Variants in TBK1 observed in about 807,000 individuals in gnomAD.
TBK1 encodes TANK binding kinase 1, also known as serine/threonine-protein kinase TBK1.
TBK1 carries 37 observed loss-of-function variants against 99.9 expected under a neutral mutation model. The observed-to-expected ratio is 0.37, with a 90% confidence interval of 0.28 to 0.49. TBK1 has a LOEUF of 0.49. TBK1 is among the 20% of genes least tolerant of loss of function. The pLI is 0.98. For synonymous variants in TBK1, 258 were observed against 279.8 expected, an observed-to-expected ratio of 0.92 and a Z score of 0.78; for missense variants, 644 against 872.5, an observed-to-expected ratio of 0.74 and a Z score of 3.30.
At chr12:64,474,464 G>A (rs1290408972) in intron 6 of TBK1, 74 bp downstream of exon 6, 2 of 1,411,714 alleles carry the variant, frequency 1.4e-6, no homozygotes, top group Non-Finnish European at 2.0e-6. Flanking sequence ...CTTATTGTTA[G>A]TGGTTTATGC....
intron 15 of TBK1, 183 bp downstream of exon 15, chr12:64,495,958 A>C: frequency 1.8e-6 from 1 of 541,692 alleles, no homozygotes; most frequent in Non-Finnish European, 3.2e-6. Context: ...CCTTAAAATC[A>C]ACCTTTTGAA....
chr12:64,489,492 C>A (rs187091620), intron 12 of TBK1, among the ~76,000 whole-genome samples: 12 of 152,056 alleles, frequency 7.9e-5, no homozygotes, highest in African/African-American at 2.2e-4. Context: ...TCTGTTTTAT[C>A]CATCCCTTAA....
At chr12:64,476,220 C>T (rs370604811) in intron 6 of TBK1, among the ~76,000 whole-genome samples, 28 of 132,926 alleles carry the variant, frequency 2.1e-4, no homozygotes, top group East Asian at 1.4e-3. Context: ...TGCAGTGGTG[C>T]GATCTCAGCT....
At chr12:64,464,194 A>T (rs2040579143) in intron 3 of TBK1, 140 bp from the exon 4 acceptor site, 1 of 587,930 alleles carries the variant, frequency 1.7e-6, no homozygotes, top group South Asian at 2.2e-5. Context: ...TGTATGTTCA[A>T]CAGATACTGA....
At chr12:64,477,579 A>C (rs1363518074) in intron 6 of TBK1, among the ~76,000 whole-genome samples, 1 of 152,216 alleles carries the variant, frequency 6.6e-6, no homozygotes, top group East Asian at 1.9e-4. Context: ...TTCTAGGTTT[A>C]GAATCATACT....
intron 20 of TBK1, 23 bp from the exon 21 acceptor site, chr12:64,501,307 T>G (rs2040985880): frequency 6.2e-7 from 1 of 1,613,330 alleles, no homozygotes; most frequent in African/African-American, 1.3e-5. Flanking sequence ...GATTACCTTT[T>G]TTTCTTTGTG....
intron 11 of TBK1, among the ~76,000 whole-genome samples, chr12:64,486,503 C>T (rs908314830): frequency 1.3e-5 from 2 of 151,642 alleles, no homozygotes; most frequent in African/African-American, 4.8e-5. Context: ...GGCACAATCA[C>T]AGATCACTGC....
intron 18 of TBK1, 72 bp downstream of exon 18, chr12:64,497,331 A>AT: frequency 9.0e-7 from 1 of 1,114,642 alleles, no homozygotes; most frequent in Non-Finnish European, 1.3e-6. Context: ...CAAGGGAGAA[A>AT]TGGGATAGAA....
chr12:64,469,047 C>T (rs924961916), intron 5 of TBK1, among the ~76,000 whole-genome samples: 12 of 151,964 alleles, frequency 7.9e-5, no homozygotes, highest in African/African-American at 2.9e-4. Context: ...TGTTGAGGGC[C>T]CAGGATGCCT....
chr12:64,454,245 G>C (rs940807607), intron 1 of TBK1, among the ~76,000 whole-genome samples: 5 of 152,024 alleles, frequency 3.3e-5, no homozygotes, highest in African/African-American at 4.8e-5. Context: ...TGTTGTTTTT[G>C]TTTGTTTTTG....
chr12:64,475,229 T>C (rs1592363133), intron 6 of TBK1, among the ~76,000 whole-genome samples: 1 of 152,238 alleles, frequency 6.6e-6, no homozygotes, highest in South Asian at 2.1e-4. Flanking sequence ...ATTTTACTAG[T>C]ATAATGTATA....
intron 8 of TBK1, among the ~76,000 whole-genome samples, chr12:64,482,630 T>C (rs2040779053): frequency 6.6e-6 from 1 of 152,212 alleles, no homozygotes. Context: ...AATATCATAT[T>C]TTTACTGTAC....
chr12:64,469,787 C>T, intron 5 of TBK1, among the ~76,000 whole-genome samples: 1 of 143,314 alleles, frequency 7.0e-6, no homozygotes, highest in African/African-American at 2.6e-5. Context: ...TTCTCTCACC[C>T]AGTACTTTTT....
intron 1 of TBK1, 91 bp downstream of exon 1, chr12:64,452,278 C>A (rs1035302721): frequency 6.6e-6 from 1 of 152,212 alleles, no homozygotes; most frequent in Non-Finnish European, 1.5e-5. Context: ...GCTCCCGCCC[C>A]CTGTGGGAGG....
chr12:64,482,838 A>G (rs780936075), intron 8 of TBK1, among the ~76,000 whole-genome samples: 6 of 152,202 alleles, frequency 3.9e-5, no homozygotes, highest in Non-Finnish European at 7.3e-5. Flanking sequence ...TGTTCACACA[A>G]TGATGCAGTT....
chr12:64,461,004 C>T (rs2136057402), intron 3 of TBK1, among the ~76,000 whole-genome samples: 1 of 151,412 alleles, frequency 6.6e-6, no homozygotes, highest in East Asian at 1.9e-4. Context: ...TCACCTGAGC[C>T]TGAGAGGTCA....
Position 64,488,220 on chromosome 12 carries a change from A to G in TBK1, c.1341-267A>G, listed in dbSNP as rs534666724. 6.6e-5 allele frequency among the ~76,000 whole-genome samples: 10 copies of G among 152,346 alleles called. No individual in the cohort carries two copies. The South Asian group carries it at 1.9e-3, about 28-fold the overall frequency. ...CTACAAACTATTTGTGTAATTGTAG[A>G]TTAGTTTTTACTCCTTAATGTAATT... is the stretch of plus-strand genomic sequence containing the variant. On this transcript the variant is annotated intron_variant, in intron 11 of 20. Coordinates refer to ENST00000331710, the MANE Select transcript of TBK1 (RefSeq NM_013254.4).
rs1434743049 is a variant in TBK1 at position 64,496,414 on chromosome 12, T to C, written c.1760+8T>C. 3.2e-6 allele frequency: 4 copies of C among 1,247,904 alleles called. No individual in the cohort carries two copies. Among genetic ancestry groups the C allele is most frequent in the Non-Finnish European group, 4.5e-6 (4 of 895,950 alleles). The allele number at this position is 1,247,904 out of a possible 1,614,324, so 77.3% of individuals were successfully genotyped here. On this transcript the variant is annotated splice_region_variant and intron_variant, in intron 16 of 20. Coordinates refer to ENST00000331710, the MANE Select transcript of TBK1 (RefSeq NM_013254.4). Reference sequence around the variant, plus strand: ...AATCCACAAATTTGATAAGTAAGTATCCAGATTATGTTTAATAGTTATTTT... The same window carrying C: ...AATCCACAAATTTGATAAGTAAGTACCCAGATTATGTTTAATAGTTATTTT...
chr12:64,452,228 G>A lies in TBK1; in HGVS notation c.-32+41G>A, dbSNP rs892893005. 9.2e-5 allele frequency: 14 copies of A among 152,322 alleles called. No homozygotes were observed. In the East Asian group the frequency reaches 1.7e-3, roughly 19 times the overall value. 9.4% of individuals were successfully genotyped at this position (152,322 alleles called of 1,614,324 possible). A position where few individuals can be genotyped will look rare whatever the true frequency, so the allele number is the denominator to read the frequency against. ...GCGGGCTGAGGGGCCAAGGCGGCGC[G>A]GGGCGCGGTCGGTCAGGCCTGCGCC... On this transcript the variant is annotated intron_variant, in intron 1 of 20. Transcript: ENST00000331710.
Sources: gnomAD v4.1 joint callset for allele counts (sites outside exome capture counted in the v4.1 genomes callset) on GRCh38, gnomAD v4.1.1 for gene constraint, MANE v1.5 for transcripts, NCBI Gene and HGNC (gene_info 2026-07-23, HGNC 2026-07-21) for gene names.